Variants in KCNIP4 observed in about 807,000 individuals in gnomAD.
KCNIP4 encodes Kv channel-interacting protein 4.
A neutral mutation model predicts 34.0 loss-of-function variants in KCNIP4; 12 were observed. That is an observed-to-expected ratio of 0.35 (90% CI 0.23 to 0.57). KCNIP4 has a LOEUF of 0.57. Among genes scored for constraint, KCNIP4 ranks in the 20% least tolerant of loss-of-function variants. The pLI is 0.83. For missense variants in KCNIP4, 238 were observed against 311.7 expected (o/e 0.76, Z 1.78); for synonymous variants, 124 against 102.2 (o/e 1.21, Z -1.29).
intron 1 of KCNIP4, among the ~76,000 whole-genome samples, chr4:21,817,895 C>T (rs555660338): frequency 1.3e-5 from 2 of 152,228 alleles, no homozygotes; most frequent in South Asian, 2.1e-4. Context: ...TTGCCCTTTG[C>T]CCTGTGATCT....
At chr4:21,138,493 T>G (rs1751685340) in intron 1 of KCNIP4, among the ~76,000 whole-genome samples, 1 of 151,870 alleles carries the variant, frequency 6.6e-6, no homozygotes. Flanking sequence ...CTCAATAAGT[T>G]CTTGCACAAA....
intron 1 of KCNIP4, among the ~76,000 whole-genome samples, chr4:21,487,710 G>A (rs4552441): frequency 0.28 from 42,433 of 151,966 alleles, 6,039 homozygotes; most frequent in Admixed American, 0.31. Flanking sequence ...TCCATAATTT[G>A]TTTCAATATA....
intron 1 of KCNIP4, among the ~76,000 whole-genome samples, chr4:21,688,149 G>A (rs1750955490): frequency 6.6e-6 from 1 of 152,194 alleles, no homozygotes; most frequent in Admixed American, 6.5e-5. Flanking sequence ...CTACTGTGCA[G>A]TACACACTGT....
intron 1 of KCNIP4, among the ~76,000 whole-genome samples, chr4:20,887,519 A>T (rs1725442427): frequency 6.6e-6 from 1 of 152,124 alleles, no homozygotes; most frequent in African/African-American, 2.4e-5. Flanking sequence ...GGACCCGTAC[A>T]TACAAGGGTC....
chr4:20,955,719 A>C (rs1733230539), intron 1 of KCNIP4, among the ~76,000 whole-genome samples: 1 of 152,228 alleles, frequency 6.6e-6, no homozygotes, highest in African/African-American at 2.4e-5. Context: ...TTTCTGAGAT[A>C]CAAACCTTAC....
chr4:21,874,767 C>T (rs1225715710), intron 1 of KCNIP4, among the ~76,000 whole-genome samples: 19 of 152,202 alleles, frequency 1.2e-4, no homozygotes, highest in Non-Finnish European at 2.9e-5. Context: ...TATATAAATA[C>T]ATATCACAAC....
chr4:21,105,833 T>C (rs1338899819), intron 1 of KCNIP4, among the ~76,000 whole-genome samples: 2 of 151,552 alleles, frequency 1.3e-5, no homozygotes, highest in East Asian at 1.9e-4. Context: ...CCAAGGCCTT[T>C]TCTGCATCTA....
At chr4:21,242,708 C>T (rs193191238) in intron 1 of KCNIP4, among the ~76,000 whole-genome samples, 1 of 152,256 alleles carries the variant, frequency 6.6e-6, no homozygotes, top group Admixed American at 6.5e-5. Context: ...CTAAGATTTA[C>T]ACCATTGGCT....
chr4:21,883,465 T>C (rs1395261715), intron 1 of KCNIP4, among the ~76,000 whole-genome samples: 1 of 152,000 alleles, frequency 6.6e-6, no homozygotes, highest in African/African-American at 2.4e-5. Context: ...ATTTTTAAAG[T>C]TGGGGAGAGT....
Position 21,147,240 on chromosome 4 carries a change from C to T in KCNIP4, c.62-264531G>A, listed in dbSNP as rs527450677. Among the ~76,000 whole-genome samples, 48 of 152,106 alleles carry T rather than the reference C, an allele frequency of 3.2e-4. No homozygotes were observed. In the South Asian group the frequency reaches 5.0e-3, roughly 16 times the overall value. On this transcript the variant is annotated intron_variant, in intron 1 of 8. Coordinates refer to ENST00000382152, the MANE Select transcript of KCNIP4 (RefSeq NM_025221.6). Reference sequence around the variant, plus strand: ...GTTCCATTCCTTGGACCTATCTACCCGATGCCCCCACCCCCAAACCTGGGT... The same window carrying T: ...GTTCCATTCCTTGGACCTATCTACCTGATGCCCCCACCCCCAAACCTGGGT...
chr4:21,689,950 A>G (rs1433981283), intron 1 of KCNIP4, among the ~76,000 whole-genome samples: 1 of 152,014 alleles, frequency 6.6e-6, no homozygotes, highest in Non-Finnish European at 1.5e-5. Context: ...CCAAATAAAG[A>G]ACACCTTGAG....
At chr4:21,470,963 C>T (rs1332109110) in intron 1 of KCNIP4, among the ~76,000 whole-genome samples, 1 of 152,126 alleles carries the variant, frequency 6.6e-6, no homozygotes, top group African/African-American at 2.4e-5. Flanking sequence ...CAAAATATGG[C>T]TCTTGGATCA....
intron 1 of KCNIP4, among the ~76,000 whole-genome samples, chr4:21,811,159 T>C (rs902311686): frequency 6.6e-6 from 1 of 152,196 alleles, no homozygotes; most frequent in Non-Finnish European, 1.5e-5. Flanking sequence ...CAGGGATTTC[T>C]TAGTAAACAG....
intron 1 of KCNIP4, among the ~76,000 whole-genome samples, chr4:21,217,213 T>G (rs1199563383): frequency 6.6e-6 from 1 of 152,242 alleles, no homozygotes; most frequent in Non-Finnish European, 1.5e-5. Flanking sequence ...CTTGACCTAC[T>G]GTTAATATTT....
At chr4:21,282,459 AGT>A (rs34143880) in intron 1 of KCNIP4, among the ~76,000 whole-genome samples, 24,491 of 146,480 alleles carry the variant, frequency 0.17, 2,001 homozygotes, top group African/African-American at 0.2. Flanking sequence ...AAGATGTGTG[AGT>A]GTGTGTGTGT....
chr4:21,433,869 T>A (rs977105887), intron 1 of KCNIP4, among the ~76,000 whole-genome samples: 1 of 152,228 alleles, frequency 6.6e-6, no homozygotes, highest in African/African-American at 2.4e-5. Context: ...ATCAACTGAT[T>A]TATAAATAAT....
chr4:21,723,435 C>G (rs899309921), intron 1 of KCNIP4, among the ~76,000 whole-genome samples: 1 of 152,060 alleles, frequency 6.6e-6, no homozygotes. Flanking sequence ...ACATGTTAGG[C>G]CTTCACCTAG....
intron 1 of KCNIP4, among the ~76,000 whole-genome samples, chr4:21,599,410 C>T (rs1029546145): frequency 2.0e-5 from 3 of 151,626 alleles, no homozygotes; most frequent in East Asian, 1.9e-4. Context: ...AAATTAATTT[C>T]GAAGTTCACA....
intron 1 of KCNIP4, among the ~76,000 whole-genome samples, chr4:21,869,787 C>T (rs75510380): frequency 3.4e-5 from 5 of 147,484 alleles, no homozygotes; most frequent in East Asian, 2.0e-4. Context: ...GATAGATAGA[C>T]AGACAGACAG....
Sources: gnomAD v4.1 joint callset for allele counts (sites outside exome capture counted in the v4.1 genomes callset) on GRCh38, gnomAD v4.1.1 for gene constraint, MANE v1.5 for transcripts, NCBI Gene and HGNC (gene_info 2026-07-23, HGNC 2026-07-21) for gene names.